Variants in PDE1A observed in about 807,000 individuals in gnomAD.
The protein encoded by PDE1A is dual specificity calcium/calmodulin-dependent 3',5'-cyclic nucleotide phosphodiesterase 1A.
In PDE1A, 35 loss-of-function variants were observed where a neutral mutation model predicts 61.7. That is an observed-to-expected ratio of 0.57 (90% confidence interval 0.43 to 0.75). The LOEUF (loss-of-function observed/expected upper bound fraction) is 0.75, where lower values mean the gene tolerates loss of function less well. Ranked by LOEUF, PDE1A falls within the 30% of genes least tolerant of loss-of-function variation. The pLI is 0.00. For synonymous variants in PDE1A, 232 were observed against 213.2 expected (o/e 1.09, Z -0.77); for missense variants, 597 against 630.6 (o/e 0.95, Z 0.57).
At chr2:182,586,300 T>C in the PDE1A span, among the ~76,000 whole-genome samples, 13 of 152,160 alleles carry the variant, frequency 8.5e-5, no homozygotes, top group Non-Finnish European at 1.6e-4. Flanking sequence ...AATAAATATT[T>C]TAGAGAACAC....
chr2:182,218,325 C>T (rs1416821004), intron 7 of PDE1A, among the ~76,000 whole-genome samples: 4 of 148,902 alleles, frequency 2.7e-5, no homozygotes, highest in East Asian at 2.0e-4. Context: ...TGCTAGATGA[C>T]GAGTTAGTGG....
chr2:182,280,189 A>C (rs1385544906), intron 1 of PDE1A, among the ~76,000 whole-genome samples: 1 of 151,778 alleles, frequency 6.6e-6, no homozygotes, highest in African/African-American at 2.4e-5. Context: ...TACTAACATT[A>C]TGTTCTGAAT....
chr2:182,348,879 T>C (rs891583958), intron 1 of PDE1A, among the ~76,000 whole-genome samples: 5 of 151,944 alleles, frequency 3.3e-5, no homozygotes, highest in African/African-American at 1.2e-4. Flanking sequence ...GACGGTTTTG[T>C]CTGTGGATAG....
chr2:182,405,513 C>T (rs1463941805), intron 1 of PDE1A, among the ~76,000 whole-genome samples: 2 of 152,152 alleles, frequency 1.3e-5, no homozygotes, highest in Non-Finnish European at 2.9e-5. Context: ...CTTTTATCTA[C>T]TGTGGTTTTT....
At chr2:182,417,226 T>C (rs1483081946) in intron 1 of PDE1A, among the ~76,000 whole-genome samples, 1 of 152,238 alleles carries the variant, frequency 6.6e-6, no homozygotes, top group Non-Finnish European at 1.5e-5. Flanking sequence ...ACCACTTTGC[T>C]AATGTTCCTT....
the PDE1A span, among the ~76,000 whole-genome samples, chr2:182,565,219 A>T: frequency 3.3e-5 from 5 of 152,212 alleles, no homozygotes; most frequent in East Asian, 7.7e-4. Context: ...GGTGACGTAC[A>T]GATGGGTTTT....
chr2:182,694,863 A>T, the PDE1A span, among the ~76,000 whole-genome samples: 57 of 147,202 alleles, frequency 3.9e-4, no homozygotes, highest in South Asian at 6.5e-4. Flanking sequence ...TTTTTTTTTT[A>T]AAAAGACAAG....
intron 1 of PDE1A, among the ~76,000 whole-genome samples, chr2:182,420,256 G>T (rs1220656234): frequency 6.6e-6 from 1 of 151,944 alleles, no homozygotes; most frequent in African/African-American, 2.4e-5. Context: ...GAATAGATAT[G>T]TCTTTGGCAT....
At chr2:182,285,670 T>TG (rs1694109419) in intron 1 of PDE1A, among the ~76,000 whole-genome samples, 1 of 152,092 alleles carries the variant, frequency 6.6e-6, no homozygotes. Context: ...CAGCCTTAAA[T>TG]GCAGCAGCTT....
intron 2 of PDE1A, among the ~76,000 whole-genome samples, chr2:182,248,095 C>T (rs553827359): frequency 6.6e-6 from 1 of 151,716 alleles, no homozygotes; most frequent in Admixed American, 6.6e-5. Flanking sequence ...TTCTCTACTA[C>T]AGATACAAAA....
chr2:182,440,851 T>G (rs1684744391), intron 2 of PDE1A, among the ~76,000 whole-genome samples: 1 of 152,052 alleles, frequency 6.6e-6, no homozygotes, highest in Non-Finnish European at 1.5e-5. Flanking sequence ...CCAAACTGGT[T>G]TAATTACTGT....
intron 1 of PDE1A, among the ~76,000 whole-genome samples, chr2:182,307,388 T>A (rs1025690727): frequency 2.0e-5 from 3 of 152,122 alleles, no homozygotes; most frequent in Non-Finnish European, 4.4e-5. Context: ...GGGTTCCTTA[T>A]AAAGGTGGAA....
At chr2:182,200,972 G>A (rs528894973) in intron 10 of PDE1A, among the ~76,000 whole-genome samples, 75 of 152,272 alleles carry the variant, frequency 4.9e-4, no homozygotes, top group Admixed American at 3.9e-4. Context: ...TGTTTCTGAC[G>A]TAACATTAGA....
chr2:182,410,944 A>C (rs1702575103), intron 1 of PDE1A, among the ~76,000 whole-genome samples: 1 of 152,170 alleles, frequency 6.6e-6, no homozygotes, highest in African/African-American at 2.4e-5. Context: ...TTAATTTGGG[A>C]AGTTTGTGTC....
chr2:182,405,109 A>G (rs1702229638), intron 1 of PDE1A, among the ~76,000 whole-genome samples: 2 of 152,178 alleles, frequency 1.3e-5, no homozygotes, highest in South Asian at 4.1e-4. Context: ...TCACTAAGCA[A>G]TAGGATTTTT....
intron 2 of PDE1A, among the ~76,000 whole-genome samples, chr2:182,250,935 A>C (rs1461996954): frequency 1.3e-5 from 2 of 152,156 alleles, no homozygotes; most frequent in East Asian, 3.9e-4. Flanking sequence ...GGCCTGAGAA[A>C]GAGTCAAATT....
chr2:182,218,869 GTT>G (rs1325151026), intron 7 of PDE1A, among the ~76,000 whole-genome samples: 1 of 152,010 alleles, frequency 6.6e-6, no homozygotes, highest in African/African-American at 2.4e-5. Flanking sequence ...GTTTAAATGT[GTT>G]TATGGCTTTT....
At chr2:182,357,841 A>T (rs1699283260) in intron 1 of PDE1A, among the ~76,000 whole-genome samples, 1 of 152,204 alleles carries the variant, frequency 6.6e-6, no homozygotes, top group African/African-American at 2.4e-5. Context: ...AGCTCCACTG[A>T]GTTAAGGCAC....
At chr2:182,672,584 T>C in the PDE1A span, among the ~76,000 whole-genome samples, 1 of 152,372 alleles carries the variant, frequency 6.6e-6, no homozygotes, top group South Asian at 2.1e-4. Context: ...CAGTGTGTTT[T>C]GTTTAACTTT....
Sources: gnomAD v4.1 joint callset for allele counts (sites outside exome capture counted in the v4.1 genomes callset) on GRCh38, gnomAD v4.1.1 for gene constraint, MANE v1.5 for transcripts, NCBI Gene and HGNC (gene_info 2026-07-23, HGNC 2026-07-21) for gene names.